The following DSE variants were observed in gnomAD, a reference collection of about 807,000 sequenced individuals.
DSE encodes the protein dermatan-sulfate epimerase.
DSE carries 36 observed loss-of-function variants against 84.4 expected under a neutral mutation model. The ratio of observed to expected loss-of-function variants is 0.43; its 90% CI spans 0.33 to 0.56. The LOEUF is 0.56. Among genes scored for constraint, DSE ranks in the 20% least tolerant of loss-of-function variants. The pLI, the probability that DSE is intolerant of heterozygous loss-of-function variation, is 0.06. For synonymous variants in DSE, 410 were observed against 430.1 expected, an observed-to-expected ratio of 0.95 and a Z score of 0.58; for missense variants, 862 against 1,169.6, an observed-to-expected ratio of 0.74 and a Z score of 3.84.
At chr6:116,293,766 G>T (rs1774463426) in intron 2 of DSE, among the ~76,000 whole-genome samples, 3 of 151,952 alleles carry the variant, frequency 2.0e-5, no homozygotes, top group Non-Finnish European at 4.4e-5. Context: ...GTCAGGCATG[G>T]TGGTGTCTGG....
intron 2 of DSE, among the ~76,000 whole-genome samples, chr6:116,340,019 G>A (rs931537165): frequency 1.3e-5 from 2 of 152,152 alleles, no homozygotes; most frequent in South Asian, 2.1e-4. Flanking sequence ...TGAGAAAAAG[G>A]ATTGAGGAAG....
chr6:116,318,474 G>A (rs907452961), intron 2 of DSE, among the ~76,000 whole-genome samples: 3 of 151,704 alleles, frequency 2.0e-5, no homozygotes, highest in Non-Finnish European at 2.9e-5. Context: ...TGCGCTCCAG[G>A]CTGGGCAACA....
At chr6:116,372,433 T>A (rs1779657362) in intron 1 of DSE, among the ~76,000 whole-genome samples, 1 of 152,096 alleles carries the variant, frequency 6.6e-6, no homozygotes, top group Admixed American at 6.5e-5. Context: ...GCGCCACTGC[T>A]CTCCAGCCTG....
chr6:116,279,867 G>T (rs759273061), intron 2 of DSE: 2 of 1,612,982 alleles, frequency 1.2e-6, no homozygotes, highest in South Asian at 2.2e-5. Flanking sequence ...GCGAACGCCC[G>T]TTTTCCTCAG....
At chr6:116,416,648 C>T (rs1448498471) in intron 2 of DSE, among the ~76,000 whole-genome samples, 1 of 151,888 alleles carries the variant, frequency 6.6e-6, no homozygotes, top group Non-Finnish European at 1.5e-5. Flanking sequence ...CCCAAGCCAA[C>T]ATTTATATAT....
upstream of DSE, chr6:116,366,866 C>T (rs1034305640): frequency 2.6e-5 from 4 of 152,182 alleles, no homozygotes; most frequent in African/African-American, 7.2e-5. Flanking sequence ...CACGTATGGA[C>T]GTGCCTGGTA....
chr6:116,378,228 C>T (rs1041974959), intron 1 of DSE, among the ~76,000 whole-genome samples: 1 of 152,050 alleles, frequency 6.6e-6, no homozygotes, highest in Non-Finnish European at 1.5e-5. Context: ...TGCTTTTATC[C>T]TTTAGGATGG....
chr6:116,375,810 T>G lies in DSE; in HGVS notation c.-54+4689T>G, dbSNP rs751549789. Among the ~76,000 whole-genome samples, 139 of 152,208 alleles carry G rather than the reference T, an allele frequency of 9.1e-4. 1 individual carries two copies. The highest frequency in any genetic ancestry group is 1.7e-3 in the Non-Finnish European group (119 of 68,040). ...GAAATTGCCCAGTACTTTTAACTTT[T>G]TTTTCAAAGAATTCAAATATTTTAA... is the stretch of plus-strand genomic sequence containing the variant. On this transcript the variant is annotated intron_variant, in intron 1 of 5. Coordinates refer to ENST00000644252, the MANE Select transcript of DSE (RefSeq NM_013352.4).
chr6:116,423,930 C>A (rs972380666), intron 2 of DSE, among the ~76,000 whole-genome samples: 11 of 152,178 alleles, frequency 7.2e-5, no homozygotes, highest in Admixed American at 2.6e-4. Flanking sequence ...TTGAAATAAA[C>A]AAACTGCAGG....
In DSE at chr6:116,436,956, G is replaced by A; in HGVS notation, c.2488G>A (p.Glu830Lys). The change falls in exon 6 of 6, where the codon GAA becomes AAA. Residue 830 changes from glutamate to lysine, a missense_variant. Coordinates refer to ENST00000644252, the MANE Select transcript of DSE (RefSeq NM_013352.4). ...TGTCCCTGATATTTTTGCACAGATT[G>A]AAGTCAATGAGAAAAAGATTAGACA... ...DAVPDIFAQIEVNEKKIRQKA... is the reference protein window; with the variant it reads ...DAVPDIFAQIKVNEKKIRQKA... 6.2e-7 allele frequency: 1 copy of A among 1,613,992 alleles called. No homozygotes were observed. Among genetic ancestry groups the A allele is most frequent in the Non-Finnish European group, 8.5e-7 (1 of 1,180,008 alleles).
chr6:116,424,845 A>G (rs765451543), intron 2 of DSE, among the ~76,000 whole-genome samples: 26 of 152,364 alleles, frequency 1.7e-4, no homozygotes, highest in Non-Finnish European at 2.8e-4. Context: ...AAGGAAAAAC[A>G]TAATCTGGAA....
At chr6:116,325,620 C>T (rs1776571146) in intron 2 of DSE, among the ~76,000 whole-genome samples, 1 of 152,160 alleles carries the variant, frequency 6.6e-6, no homozygotes, top group Non-Finnish European at 1.5e-5. Context: ...GTTTGCCATA[C>T]TAATGCATGC....
chr6:116,433,649 A>G (rs1783978978), intron 5 of DSE, 99 bp downstream of exon 5: 1 of 1,281,444 alleles, frequency 7.8e-7, no homozygotes, highest in Admixed American at 2.4e-5. Context: ...AAACTAAAAC[A>G]CTTTTTAAAT....
chr6:116,352,304 T>C (rs139029421), intron 2 of DSE, among the ~76,000 whole-genome samples: 5 of 152,370 alleles, frequency 3.3e-5, no homozygotes, highest in African/African-American at 4.8e-5. Flanking sequence ...CCTTAACTTA[T>C]CCTGTTCCTG....
At chr6:116,319,710 T>G (rs1311132077) in intron 2 of DSE, among the ~76,000 whole-genome samples, 1 of 152,250 alleles carries the variant, frequency 6.6e-6, no homozygotes, top group Non-Finnish European at 1.5e-5. Context: ...ATCTTTGACA[T>G]GGCCCTTGAG....
At chr6:116,378,621 T>C (rs986635770) in intron 1 of DSE, among the ~76,000 whole-genome samples, 2 of 152,136 alleles carry the variant, frequency 1.3e-5, no homozygotes, top group African/African-American at 4.8e-5. Context: ...TTTTTAAAAA[T>C]TTTGAAGAAA....
chr6:116,256,208 A>C (rs1290916462), intron 1 of DSE: 1 of 152,192 alleles, frequency 6.6e-6, no homozygotes, highest in Non-Finnish European at 1.5e-5. Flanking sequence ...TATAGCCCTT[A>C]TGACTTTTAC....
intron 2 of DSE, among the ~76,000 whole-genome samples, chr6:116,340,449 C>T (rs2498704): frequency 0.022 from 3,400 of 152,134 alleles, 135 homozygotes; most frequent in African/African-American, 0.078. Flanking sequence ...TAATTTCTAT[C>T]ACCTGAGAGT....
intron 2 of DSE, among the ~76,000 whole-genome samples, chr6:116,331,701 G>C (rs1467592619): frequency 6.6e-6 from 1 of 152,198 alleles, no homozygotes; most frequent in African/African-American, 2.4e-5. Flanking sequence ...GCTCACGCCT[G>C]TAGTCCCAGC....
Sources: gnomAD v4.1 joint callset for allele counts (sites outside exome capture counted in the v4.1 genomes callset) on GRCh38, gnomAD v4.1.1 for gene constraint, MANE v1.5 for transcripts, NCBI Gene and HGNC (gene_info 2026-07-23, HGNC 2026-07-21) for gene names.